The following SLC17A1 variants were observed in gnomAD, a reference collection of about 807,000 sequenced individuals.
SLC17A1 encodes sodium-dependent phosphate transport protein 1.
In SLC17A1, 51 loss-of-function variants were observed where a neutral mutation model predicts 53.5. That is an observed-to-expected ratio of 0.95 (90% CI 0.76 to 1.20). The LOEUF (loss-of-function observed/expected upper bound fraction) is 1.20. SLC17A1 is among the 50% of genes most tolerant of loss of function. The pLI is 0.00. For missense variants in SLC17A1, 538 were observed against 568.2 expected, an observed-to-expected ratio of 0.95 and a Z score of 0.54; for synonymous variants, 179 against 198.8, an observed-to-expected ratio of 0.90 and a Z score of 0.84.
intron 10 of SLC17A1, among the ~76,000 whole-genome samples, chr6:25,809,291 ATG>A (rs1173913570): frequency 6.6e-6 from 1 of 152,004 alleles, no homozygotes. Flanking sequence ...AATAGGTATG[ATG>A]TATATTATTC....
chr6:25,819,684 G>T lies in SLC17A1; in HGVS notation c.439C>A (p.Gln147Lys). The change falls in exon 4 of 13, where the codon CAG becomes AAG. Residue 147 changes from glutamine to lysine, a missense_variant and splice_region_variant. Gln to Lys is a moderately conservative substitution (Grantham distance 53). Coordinates refer to ENST00000244527, the MANE Select transcript of SLC17A1 (RefSeq NM_005074.5). ...VVCRAVQGAAQGIVATAQFEI... is the reference protein window; with the variant it reads ...VVCRAVQGAAKGIVATAQFEI... ...CAGTTTTAGCATTATTTTAATACCT[G>T]GGCTGCTCCCTGAACTGCTCGACAT... The T allele has an allele frequency of 6.2e-7, 1 of 1,613,770 alleles. No individual in the cohort carries two copies. The highest frequency in any genetic ancestry group is 8.5e-7 in the Non-Finnish European group (1 of 1,179,724).
At chr6:25,784,080 T>G (rs1369838115) in intron 12 of SLC17A1, among the ~76,000 whole-genome samples, 1 of 152,190 alleles carries the variant, frequency 6.6e-6, no homozygotes, top group Non-Finnish European at 1.5e-5. Flanking sequence ...AATTTTTTCT[T>G]CCTTTTTGTA....
chr6:25,745,920 G>A, the SLC17A1 span, among the ~76,000 whole-genome samples: 2 of 152,192 alleles, frequency 1.3e-5, no homozygotes, highest in South Asian at 2.1e-4. Context: ...CAACGATCCT[G>A]ATAGGCTTTG....
intron 12 of SLC17A1, among the ~76,000 whole-genome samples, chr6:25,786,938 A>G (rs1425329662): frequency 6.6e-6 from 1 of 152,152 alleles, no homozygotes; most frequent in Non-Finnish European, 1.5e-5. Flanking sequence ...TGACTAGCTA[A>G]ATTCCATATT....
the SLC17A1 span, among the ~76,000 whole-genome samples, chr6:25,741,415 C>CAA: frequency 2.3e-3 from 187 of 82,854 alleles, no homozygotes; most frequent in African/African-American, 5.0e-3. Flanking sequence ...ACTAAGAATC[C>CAA]AAAAAAAAAA....
the SLC17A1 span, chr6:25,768,431 T>A: frequency 1.0e-6 from 1 of 978,828 alleles, no homozygotes; most frequent in Non-Finnish European, 1.2e-6. Context: ...ACTAGCAAAT[T>A]TTGTGTAAGC....
chr6:25,778,552 A>T (rs61242778), downstream of SLC17A1, among the ~76,000 whole-genome samples: 8,792 of 152,212 alleles, frequency 0.058, 716 homozygotes, highest in African/African-American at 0.18. Flanking sequence ...AATAAATATT[A>T]AACAGTAGTA....
chr6:25,814,692 A>C (rs1764272395), intron 6 of SLC17A1, among the ~76,000 whole-genome samples: 1 of 152,190 alleles, frequency 6.6e-6, no homozygotes, highest in Admixed American at 6.5e-5. Context: ...AGAACTAAAA[A>C]GACAGAATGG....
intron 12 of SLC17A1, among the ~76,000 whole-genome samples, chr6:25,787,987 C>T (rs922095675): frequency 6.6e-6 from 1 of 152,174 alleles, no homozygotes; most frequent in African/African-American, 2.4e-5. Context: ...GCTGCAAAAC[C>T]TATGTGCTGA....
the SLC17A1 span, among the ~76,000 whole-genome samples, chr6:25,754,966 G>T: frequency 6.6e-6 from 1 of 151,042 alleles, no homozygotes; most frequent in East Asian, 1.9e-4. Context: ...TAAGAGCCCT[G>T]GAACTACAGG....
the SLC17A1 span, chr6:25,732,471 A>C: frequency 1.0e-5 from 3 of 300,736 alleles, no homozygotes; most frequent in Non-Finnish European, 1.9e-5. Context: ...AACTCGGGGG[A>C]AGGGTACGCG....
chr6:25,776,759 T>C, the SLC17A1 span: 12 of 1,613,958 alleles, frequency 7.4e-6, no homozygotes, highest in Non-Finnish European at 8.5e-6. Flanking sequence ...GGGGTGAACG[T>C]GGGAAGCTCA....
the SLC17A1 span, chr6:25,773,539 C>T: frequency 1.4e-5 from 23 of 1,613,804 alleles, no homozygotes; most frequent in South Asian, 1.8e-4. Flanking sequence ...GGTCTCTTCC[C>T]ATTAGGGCTA....
chr6:25,827,983 A>C (rs1764812280), intron 2 of SLC17A1, among the ~76,000 whole-genome samples: 2 of 152,050 alleles, frequency 1.3e-5, no homozygotes, highest in South Asian at 4.1e-4. Flanking sequence ...AAAGTCCAAA[A>C]TCTCATCATC....
the SLC17A1 span, among the ~76,000 whole-genome samples, chr6:25,744,255 G>A: frequency 6.6e-6 from 1 of 152,204 alleles, no homozygotes; most frequent in Non-Finnish European, 1.5e-5. Flanking sequence ...GAGTGAAATG[G>A]TCAGATGTGT....
At chr6:25,769,276 C>A in the SLC17A1 span, 1 of 1,253,824 alleles carries the variant, frequency 8.0e-7, no homozygotes, top group Non-Finnish European at 1.1e-6. Context: ...CATTTAACCA[C>A]TAAGTATTTA....
chr6:25,772,950 T>C, the SLC17A1 span, among the ~76,000 whole-genome samples: 2 of 152,216 alleles, frequency 1.3e-5, no homozygotes, highest in East Asian at 3.8e-4. Flanking sequence ...TCTGTGTCTG[T>C]CATCTGCCTT....
At chr6:25,760,723 A>G in the SLC17A1 span, among the ~76,000 whole-genome samples, 1 of 151,872 alleles carries the variant, frequency 6.6e-6, no homozygotes, top group Non-Finnish European at 1.5e-5. Flanking sequence ...GATTTTGCTA[A>G]TTCTTTCATT....
At chr6:25,732,897 A>G in the SLC17A1 span, 1 of 248,624 alleles carries the variant, frequency 4.0e-6, no homozygotes, top group East Asian at 1.0e-4. Context: ...AACAAAAACA[A>G]AAACAAAAAC....
Sources: allele counts gnomAD v4.1 joint callset (sites outside exome capture counted in the v4.1 genomes callset), GRCh38; gene constraint gnomAD v4.1.1; transcripts MANE v1.5; gene names NCBI Gene and HGNC (gene_info 2026-07-23, HGNC 2026-07-21).